KAZN: variants seen among roughly 807,000 people sequenced by gnomAD.
KAZN encodes the protein kazrin.
KAZN carries 40 observed loss-of-function variants against 87.4 expected under a neutral mutation model. The ratio of observed to expected loss-of-function variants is 0.46; its 90% CI spans 0.36 to 0.60. The LOEUF (loss-of-function observed/expected upper bound fraction) is 0.60, where lower values mean the gene tolerates loss of function less well. KAZN is among the 20% of genes least tolerant of loss of function. The pLI, the probability that KAZN is intolerant of heterozygous loss-of-function variation, is 0.00. For missense variants in KAZN, 898 were observed against 1,073.9 expected (o/e 0.84, Z 2.29); for synonymous variants, 466 against 458.3 (o/e 1.02, Z -0.22).
rs77876789 is a variant in KAZN, at chr1:15,090,106, C to T, written c.1223-4074C>T. 6.1e-3 allele frequency among the ~76,000 whole-genome samples: 927 copies of T among 152,314 alleles called. 10 individuals carry two copies. Among genetic ancestry groups the T allele is most frequent in the African/African-American group, 0.021 (870 of 41,570 alleles). ...AGTTTATAACATTCATTTCAAGCTA[C>T]GAGGCAGATATTCTCATTATTCCCA... On this transcript the variant is annotated intron_variant, in intron 8 of 14. Transcript: ENST00000376030.
At chr1:15,073,371 C>G (rs16851233) in intron 8 of KAZN, among the ~76,000 whole-genome samples, 13,816 of 152,182 alleles carry the variant, frequency 0.091, 706 homozygotes, top group East Asian at 0.26. Context: ...CGCAGGAGGT[C>G]ACATGGGGCA....
At chr1:13,973,289 C>G (rs916373958) in intron 1 of KAZN, among the ~76,000 whole-genome samples, 1 of 152,198 alleles carries the variant, frequency 6.6e-6, no homozygotes, top group Non-Finnish European at 1.5e-5. Flanking sequence ...CCTTTCCCCT[C>G]TAGATCCACT....
intron 2 of KAZN, chr1:14,180,711 A>G: frequency 1.4e-6 from 1 of 722,262 alleles, no homozygotes; most frequent in Non-Finnish European, 2.3e-6. Context: ...TTCTGATATA[A>G]CAGATTGGAT....
chr1:13,983,713 C>T (rs1318984985), intron 1 of KAZN, among the ~76,000 whole-genome samples: 3 of 152,252 alleles, frequency 2.0e-5, no homozygotes, highest in Non-Finnish European at 2.9e-5. Context: ...ACCGCCAGCA[C>T]GCTGTCACCT....
chr1:14,801,684 GT>G (rs1377549951), intron 1 of KAZN, among the ~76,000 whole-genome samples: 1 of 140,898 alleles, frequency 7.1e-6, no homozygotes. Context: ...TGTTTTTTTT[GT>G]TTTTTTGTTT....
chr1:14,123,514 A>G (rs1012385190), intron 1 of KAZN, among the ~76,000 whole-genome samples: 13 of 152,216 alleles, frequency 8.5e-5, no homozygotes, highest in Non-Finnish European at 5.9e-5. Context: ...AGTCAAATGA[A>G]TTTTTAAGCG....
intron 1 of KAZN, among the ~76,000 whole-genome samples, chr1:13,983,784 A>G (rs1638874822): frequency 6.6e-6 from 1 of 152,224 alleles, no homozygotes; most frequent in Non-Finnish European, 1.5e-5. Context: ...TTATCTCTCC[A>G]TGCACTTACA....
At chr1:14,067,267 G>T (rs1336003052) in intron 1 of KAZN, among the ~76,000 whole-genome samples, 1 of 152,162 alleles carries the variant, frequency 6.6e-6, no homozygotes, top group African/African-American at 2.4e-5. Flanking sequence ...ACAAGTGAAA[G>T]AACTCTTTCA....
At chr1:14,015,412 T>C (rs1640514266) in intron 1 of KAZN, among the ~76,000 whole-genome samples, 1 of 150,686 alleles carries the variant, frequency 6.6e-6, no homozygotes. Context: ...CTTTAGTTGT[T>C]CCCTATTGTC....
chr1:14,772,525 GAAA>G (rs35991159), intron 1 of KAZN, among the ~76,000 whole-genome samples: 16,400 of 145,848 alleles, frequency 0.11, 1,011 homozygotes, highest in South Asian at 0.15. Context: ...AATAGATTGA[GAAA>G]AAAAAAAAAA....
intron 1 of KAZN, among the ~76,000 whole-genome samples, chr1:14,875,331 CAAAAAAAA>C (rs58205013): frequency 8.1e-5 from 7 of 86,926 alleles, no homozygotes; most frequent in South Asian, 4.5e-4. Flanking sequence ...AACTCTGTCT[CAAAAAAAA>C]AAAAAAAAAA....
intron 1 of KAZN, among the ~76,000 whole-genome samples, chr1:14,786,543 A>G (rs2100669440): frequency 6.6e-6 from 1 of 152,344 alleles, no homozygotes; most frequent in Non-Finnish European, 1.5e-5. Flanking sequence ...AAGAAAATCA[A>G]GCTCAAATAA....
chr1:14,921,785 A>G (rs1658555298), intron 1 of KAZN, among the ~76,000 whole-genome samples: 1 of 152,220 alleles, frequency 6.6e-6, no homozygotes, highest in Admixed American at 6.5e-5. Flanking sequence ...AATCTCGGCT[A>G]TCTGCAGCCT....
At chr1:14,647,957 G>A (rs1240245742) in intron 1 of KAZN, among the ~76,000 whole-genome samples, 1 of 152,178 alleles carries the variant, frequency 6.6e-6, no homozygotes, top group Non-Finnish European at 1.5e-5. Flanking sequence ...GTCCTTCCCA[G>A]CTGACCTTTC....
At position 14,309,403 on chromosome 1, in the gene KAZN, A is replaced by G. The variant is rs565362414; in HGVS notation, c.249+128811A>G. Among the ~76,000 whole-genome samples, 4 of 152,342 alleles carry G rather than the reference A, an allele frequency of 2.6e-5. No homozygotes were observed. The East Asian group carries it at 7.7e-4, about 29-fold the overall frequency. ...GATATTTTTTCAGTTACTACAGCAG[A>G]GGACCTCAGTGTCCAGCGTGAAGTG... On this transcript the variant is annotated intron_variant, in intron 2 of 16. Coordinates refer to the KAZN transcript ENST00000636203.
intron 2 of KAZN, among the ~76,000 whole-genome samples, chr1:14,283,986 T>C (rs1653047063): frequency 6.6e-6 from 1 of 151,952 alleles, no homozygotes; most frequent in Non-Finnish European, 1.5e-5. Flanking sequence ...TTATGCTAAG[T>C]GAAATAACCC....
chr1:14,165,441 G>T (rs551068838), intron 1 of KAZN, among the ~76,000 whole-genome samples: 1 of 152,132 alleles, frequency 6.6e-6, no homozygotes, highest in Admixed American at 6.5e-5. Flanking sequence ...AGCATGAACT[G>T]CTGGCAGTGA....
intron 1 of KAZN, among the ~76,000 whole-genome samples, chr1:14,906,438 G>T (rs988789869): frequency 1.1e-4 from 16 of 151,966 alleles, no homozygotes; most frequent in African/African-American, 3.4e-4. Context: ...CATGGAACAG[G>T]AGCTTGCTGG....
At chr1:14,219,534 G>A (rs542317061) in intron 2 of KAZN, among the ~76,000 whole-genome samples, 11 of 152,208 alleles carry the variant, frequency 7.2e-5, no homozygotes, top group African/African-American at 2.4e-4. Flanking sequence ...ACATTGGACA[G>A]GCAGACCTGT....
Sources: gnomAD v4.1 joint callset for allele counts (sites outside exome capture counted in the v4.1 genomes callset) on GRCh38, gnomAD v4.1.1 for gene constraint, MANE v1.5 for transcripts, NCBI Gene and HGNC (gene_info 2026-07-23, HGNC 2026-07-21) for gene names.